Variants in SLC35A3 observed in about 807,000 individuals in gnomAD.
SLC35A3 encodes the protein UDP-N-acetylglucosamine transporter.
Under a neutral mutation model 39.0 loss-of-function variants are expected in SLC35A3, and 26 were observed. The ratio of observed to expected loss-of-function variants is 0.67; its 90% CI spans 0.49 to 0.92. SLC35A3 has a LOEUF of 0.92. Among genes scored for constraint, SLC35A3 ranks in the 40% least tolerant of loss-of-function variants. The pLI is 0.00. For missense variants in SLC35A3, 299 were observed against 371.6 expected (o/e 0.80, Z 1.61); for synonymous variants, 135 against 133.1 (o/e 1.01, Z -0.10).
At chr1:99,987,508 T>C (rs1027673919) in intron 1 of SLC35A3, among the ~76,000 whole-genome samples, 1 of 152,206 alleles carries the variant, frequency 6.6e-6, no homozygotes. Flanking sequence ...TTCATGGTGC[T>C]GCATTGTTCG....
chr1:99,993,547 A>T lies in SLC35A3; in HGVS notation c.-8A>T. On this transcript the variant is annotated 5_prime_UTR_variant, in exon 2 of 8. Transcript: ENST00000533028. Reference sequence around the variant, plus strand: ...TATTTTGTTTTTCAGGCAAATGAAGATAAAACAATGTTCGCCAACCTAAAA... The same window carrying T: ...TATTTTGTTTTTCAGGCAAATGAAGTTAAAACAATGTTCGCCAACCTAAAA... 1 of 1,613,738 alleles carries T rather than the reference A, an allele frequency of 6.2e-7. No individual in the cohort carries two copies. Among genetic ancestry groups the T allele is most frequent in the Non-Finnish European group, 8.5e-7 (1 of 1,179,818 alleles).
In SLC35A3 at chr1:100,020,755, T is replaced by C. The variant is rs1422101700; in HGVS notation, c.888-1631T>C. On this transcript the variant is annotated intron_variant, in intron 7 of 7. Transcript: ENST00000533028. ...GCTGGGGTAGTTCTGCCTAGGGGAG[T>C]GAGTCTTGGAGACATTAGACCTGAA... Among the ~76,000 whole-genome samples the C allele has an allele frequency of 2.0e-5, 3 of 151,814 alleles. No homozygotes were observed. The East Asian group carries it at 5.8e-4, about 29-fold the overall frequency.
chr1:99,988,760 T>C (rs1478093042), intron 1 of SLC35A3, among the ~76,000 whole-genome samples: 1 of 148,456 alleles, frequency 6.7e-6, no homozygotes, highest in Non-Finnish European at 1.5e-5. Context: ...TCCCCTTCTC[T>C]CCTCTCTCCT....
chr1:99,976,851 A>G (rs1657134134), intron 1 of SLC35A3, among the ~76,000 whole-genome samples: 1 of 152,154 alleles, frequency 6.6e-6, no homozygotes, highest in East Asian at 1.9e-4. Flanking sequence ...AAAATTGCCT[A>G]TTGGGTATTA....
rs181960035 is a variant in SLC35A3, at chr1:100,014,188, A to G, written c.635-1114A>G. Among the ~76,000 whole-genome samples, 34 of 152,274 alleles carry G rather than the reference A, an allele frequency of 2.2e-4. 1 individual carries two copies. In the East Asian group the frequency reaches 5.2e-3, roughly 23 times the overall value. On this transcript the variant is annotated intron_variant, in intron 5 of 7. Transcript: ENST00000533028. Reference sequence around the variant, plus strand: ...AGCTGTGATTTTTTGGATATCAGTTATTATTAGTTATACTTTCAAAACAAA... The same window carrying G: ...AGCTGTGATTTTTTGGATATCAGTTGTTATTAGTTATACTTTCAAAACAAA...
intron 3 of SLC35A3, among the ~76,000 whole-genome samples, chr1:100,002,795 T>G (rs910195766): frequency 1.3e-5 from 2 of 151,744 alleles, no homozygotes; most frequent in Non-Finnish European, 2.9e-5. Context: ...TTTTTTTTTT[T>G]GTAGAGACAG....
intron 2 of SLC35A3, among the ~76,000 whole-genome samples, chr1:99,998,230 C>T (rs1253277082): frequency 1.3e-5 from 2 of 150,558 alleles, no homozygotes; most frequent in African/African-American, 4.9e-5. Flanking sequence ...TCATAGCTTG[C>T]TGCTACTTCA....
intron 2 of SLC35A3, among the ~76,000 whole-genome samples, chr1:99,996,816 A>G (rs1229698417): frequency 6.6e-6 from 1 of 152,070 alleles, no homozygotes. Flanking sequence ...TTTTTCAACT[A>G]TTATTTTGGG....
At chr1:99,994,699 CTT>C (rs1368384735) in intron 2 of SLC35A3, among the ~76,000 whole-genome samples, 2 of 152,112 alleles carry the variant, frequency 1.3e-5, no homozygotes, top group African/African-American at 4.8e-5. Flanking sequence ...TTGATGGACA[CTT>C]GGGTTGTTTC....
chr1:100,006,362 G>A (rs919973980), intron 3 of SLC35A3, among the ~76,000 whole-genome samples: 3 of 152,160 alleles, frequency 2.0e-5, no homozygotes, highest in Admixed American at 2.0e-4. Context: ...GGCTGGGCAG[G>A]TAGGTGGGTC....
rs912682857 is a variant in SLC35A3, at chr1:100,011,758, C to T, written c.634+225C>T. Among the ~76,000 whole-genome samples, 11 of 151,072 alleles carry T rather than the reference C, an allele frequency of 7.3e-5. No individual in the cohort carries two copies. The East Asian group carries it at 9.8e-4, about 14-fold the overall frequency. Reference sequence around the variant, plus strand: ...TATTTTTGACAGATTCTCGCTCTCTCGCCCAGGCTGGAGTGCAGTGTGCAA... The same window carrying T: ...TATTTTTGACAGATTCTCGCTCTCTTGCCCAGGCTGGAGTGCAGTGTGCAA... On this transcript the variant is annotated intron_variant, in intron 5 of 7. Coordinates refer to ENST00000533028, the MANE Select transcript of SLC35A3 (RefSeq NM_012243.3).
chr1:99,999,864 T>G (rs1658647946), intron 3 of SLC35A3, among the ~76,000 whole-genome samples: 1 of 152,012 alleles, frequency 6.6e-6, no homozygotes, highest in Non-Finnish European at 1.5e-5. Context: ...TGTCTTTCTG[T>G]GTGTGCCTGG....
chr1:100,015,250 A>G (rs1157060664), intron 5 of SLC35A3, 52 bp from the exon 6 acceptor site: 2 of 1,410,524 alleles, frequency 1.4e-6, no homozygotes, highest in East Asian at 2.6e-5. Context: ...GAAAAAATAT[A>G]TCTCTTCAGA....
intron 1 of SLC35A3, among the ~76,000 whole-genome samples, chr1:99,981,889 A>G (rs1657469574): frequency 1.3e-5 from 2 of 152,160 alleles, no homozygotes; most frequent in Admixed American, 6.5e-5. Context: ...TCTCAGAATG[A>G]TAAGCTTTAT....
intron 6 of SLC35A3, among the ~76,000 whole-genome samples, chr1:100,016,323 C>G (rs1175059418): frequency 9.9e-5 from 15 of 151,124 alleles, no homozygotes; most frequent in African/African-American, 3.4e-4. Flanking sequence ...CTTGACCTCC[C>G]AAAGTGCTGG....
rs1660988160 is a variant in SLC35A3 at position 100,027,500 on chromosome 1, T to G, written c.*5024T>G. The G allele has an allele frequency of 7.5e-6, 2 of 265,078 alleles. No homozygotes were observed. Among genetic ancestry groups the G allele is most frequent in the South Asian group, 3.4e-4 (2 of 5,822 alleles). The allele number at this position is 265,078 out of a possible 1,614,324, so 16.4% of individuals were successfully genotyped here. A position where few individuals can be genotyped will look rare whatever the true frequency, so the allele number is the denominator to read the frequency against. On this transcript the variant is annotated 3_prime_UTR_variant, in exon 8 of 8. Coordinates refer to ENST00000533028, the MANE Select transcript of SLC35A3 (RefSeq NM_012243.3). ...AACAACAAAAAAAGACTGGGTTTAT[T>G]TAAGCTAGTTAGAATTTATCTTTCT... is the stretch of plus-strand genomic sequence containing the variant.
Position 100,022,405 on chromosome 1 carries a change from A to G in SLC35A3, c.907A>G (p.Ile303Val), listed in dbSNP as rs766429273. 1 of 1,593,902 alleles carries G rather than the reference A, an allele frequency of 6.3e-7. No individual in the cohort carries two copies. The highest frequency in any genetic ancestry group is 2.2e-5 in the East Asian group (1 of 44,508). Reference protein sequence around the residue: ...VPTSVFFLGAILVITATFLYG... With the variant: ...VPTSVFFLGAVLVITATFLYG... The stretch of plus-strand genomic sequence containing the variant: ...ATTCAGTGTCTTTTTCCTTGGAGCC[A>G]TCCTTGTAATAACAGCTACTTTTTT... Residue 303 changes from isoleucine to valine, a missense_variant, in exon 8 of 8, where the codon ATC (isoleucine) becomes GTC (valine). Physicochemically the swap from Ile to Val is conservative, Grantham distance 29 (BLOSUM62 3). Transcript: ENST00000533028.
Position 100,029,215 on chromosome 1 carries a change from C to T in SLC35A3, c.*6739C>T, listed in dbSNP as rs78695231. On this transcript the variant is annotated 3_prime_UTR_variant, in exon 8 of 8. Coordinates refer to ENST00000533028, the MANE Select transcript of SLC35A3 (RefSeq NM_012243.3). ...TTCAGGGCCTCACCATAGGTTATCT[C>T]GTTAGCATAAACTGTCAAGTGTTGT... 376 of 152,190 alleles carry T rather than the reference C, an allele frequency of 2.5e-3. 1 individual carries two copies. Among genetic ancestry groups the T allele is most frequent in the African/African-American group, 8.7e-3 (363 of 41,520 alleles). The allele number at this position is 152,190 out of a possible 1,614,324, so 9.4% of individuals were successfully genotyped here. A position where few individuals can be genotyped will look rare whatever the true frequency, so the allele number is the denominator to read the frequency against.
In SLC35A3 at chr1:100,030,123, C is replaced by T. The variant is rs1364408963; in HGVS notation, c.*7647C>T. 6.6e-6 allele frequency: 1 copy of T among 152,164 alleles called. No homozygotes were observed. Among genetic ancestry groups the T allele is most frequent in the Non-Finnish European group, 1.5e-5 (1 of 68,028 alleles). 9.4% of individuals were successfully genotyped at this position (152,164 alleles called of 1,614,324 possible). A position where few individuals can be genotyped will look rare whatever the true frequency, so the allele number is the denominator to read the frequency against. ...TCACTAGTGTTAGGATCACATTTTCCTCCCTTGGACCTGAGAATCAGGTGT... is the reference window on the plus strand; with the variant it reads ...TCACTAGTGTTAGGATCACATTTTCTTCCCTTGGACCTGAGAATCAGGTGT... On this transcript the variant is annotated 3_prime_UTR_variant, in exon 8 of 8. Coordinates refer to ENST00000533028, the MANE Select transcript of SLC35A3 (RefSeq NM_012243.3).
Sources: gnomAD v4.1 joint callset for allele counts (sites outside exome capture counted in the v4.1 genomes callset) on GRCh38, gnomAD v4.1.1 for gene constraint, MANE v1.5 for transcripts, NCBI Gene and HGNC (gene_info 2026-07-23, HGNC 2026-07-21) for gene names.